The following SIPA1L1 variants were observed in gnomAD, a reference collection of about 807,000 sequenced individuals.
SIPA1L1 encodes the protein signal-induced proliferation-associated 1-like protein 1.
A neutral mutation model predicts 162.7 loss-of-function variants in SIPA1L1; 26 were observed. That is an observed-to-expected ratio of 0.16 (90% CI 0.12 to 0.22). The LOEUF (loss-of-function observed/expected upper bound fraction) is 0.22. Among genes scored for constraint, SIPA1L1 ranks in the 10% least tolerant of loss-of-function variants. SIPA1L1 has a pLI of 1.00. For missense variants in SIPA1L1, 1,874 were observed against 2,241.0 expected (o/e 0.84, Z 3.31); for synonymous variants, 829 against 837.4 (o/e 0.99, Z 0.17).
chr14:71,728,686 G>A (rs543489939), intron 19 of SIPA1L1, among the ~76,000 whole-genome samples: 1 of 152,328 alleles, frequency 6.6e-6, no homozygotes, highest in African/African-American at 2.4e-5. Flanking sequence ...CCCCTTCAGA[G>A]TGTCATGGGA....
chr14:71,364,837 C>T (rs1285313692), intron 2 of SIPA1L1, among the ~76,000 whole-genome samples: 1 of 151,020 alleles, frequency 6.6e-6, no homozygotes, highest in East Asian at 2.0e-4. Context: ...CCTCTGCCTC[C>T]TGGGCTCAAG....
chr14:71,640,559 G>A (rs2041606139), intron 7 of SIPA1L1, among the ~76,000 whole-genome samples: 1 of 152,128 alleles, frequency 6.6e-6, no homozygotes, highest in African/African-American at 2.4e-5. Context: ...GGGCTTTGGA[G>A]GTTACAAATT....
intron 2 of SIPA1L1, among the ~76,000 whole-genome samples, chr14:71,370,096 T>TGTC (rs1289876703): frequency 7.3e-6 from 1 of 137,912 alleles, no homozygotes; most frequent in Non-Finnish European, 1.6e-5. Flanking sequence ...TAAACAATCA[T>TGTC]GTCGTCTGCA....
chr14:71,534,303 G>A (rs1307355405), intron 4 of SIPA1L1, among the ~76,000 whole-genome samples: 1 of 152,160 alleles, frequency 6.6e-6, no homozygotes, highest in African/African-American at 2.4e-5. Context: ...TGTAAATGGA[G>A]GGGCATGAAA....
chr14:71,671,602 C>A lies in SIPA1L1; in HGVS notation c.2739C>A (p.Ser913Arg), dbSNP rs879021377. 5.0e-6 allele frequency: 8 copies of A among 1,614,096 alleles called. No individual in the cohort carries two copies. The highest frequency in any genetic ancestry group is 5.9e-6 in the Non-Finnish European group (7 of 1,179,992). ...TAGGGTGGACTTCAACTGACACCAGCCTCAAAATCTTCTATGAACGAGGAG... is the reference window on the plus strand; with the variant it reads ...TAGGGTGGACTTCAACTGACACCAGACTCAAAATCTTCTATGAACGAGGAG... ...DVIGWTSTDT[S>R]LKIFYERGEC... is the part of the protein sequence containing the mutation. Residue 913 changes from serine to arginine, a missense_variant, in exon 11 of 24, where the codon AGC (serine) becomes AGA (arginine). Coordinates refer to ENST00000381232, the MANE Select transcript of SIPA1L1 (RefSeq NM_001386936.1).
chr14:71,547,569 C>T (rs1596043253), intron 4 of SIPA1L1, among the ~76,000 whole-genome samples: 1 of 152,120 alleles, frequency 6.6e-6, no homozygotes, highest in Non-Finnish European at 1.5e-5. Context: ...GCTGGGATTA[C>T]AGGCATGAGC....
chr14:71,683,092 T>C (rs1293068844), intron 12 of SIPA1L1, among the ~76,000 whole-genome samples: 1 of 152,212 alleles, frequency 6.6e-6, no homozygotes, highest in Non-Finnish European at 1.5e-5. Flanking sequence ...AGGTTGAGGC[T>C]GTGGTGAACC....
At chr14:71,519,315 C>T (rs1054831857) in intron 3 of SIPA1L1, among the ~76,000 whole-genome samples, 1 of 151,596 alleles carries the variant, frequency 6.6e-6, no homozygotes, top group African/African-American at 2.4e-5. Flanking sequence ...AAACAAAAAC[C>T]CTCCTAATAA....
chr14:71,633,808 A>G (rs2040840601), intron 7 of SIPA1L1, among the ~76,000 whole-genome samples: 2 of 152,208 alleles, frequency 1.3e-5, no homozygotes, highest in Non-Finnish European at 2.9e-5. Flanking sequence ...AGACTGGGGG[A>G]AACAAATGAA....
chr14:71,505,971 A>C (rs55796946), intron 2 of SIPA1L1, among the ~76,000 whole-genome samples: 38,201 of 122,210 alleles, frequency 0.31, 5,470 homozygotes, highest in East Asian at 0.66. Flanking sequence ...CCCCCCCCCC[A>C]AAAAAAAAAT....
chr14:71,552,639 G>A (rs1000393095), intron 4 of SIPA1L1, among the ~76,000 whole-genome samples: 4 of 151,760 alleles, frequency 2.6e-5, no homozygotes, highest in South Asian at 2.1e-4. Flanking sequence ...CTTGTGATCC[G>A]CCCGCCTCGG....
At chr14:71,472,921 C>T (rs908755103) in intron 2 of SIPA1L1, among the ~76,000 whole-genome samples, 11 of 150,512 alleles carry the variant, frequency 7.3e-5, no homozygotes, top group South Asian at 2.1e-4. Context: ...TCATAGCTCA[C>T]GGAAGCCTCA....
At chr14:71,667,639 A>T (rs948808213) in intron 10 of SIPA1L1, among the ~76,000 whole-genome samples, 4 of 152,188 alleles carry the variant, frequency 2.6e-5, no homozygotes, top group African/African-American at 7.2e-5. Flanking sequence ...TCCTTCTCCC[A>T]TTTGATGTTT....
chr14:71,699,047 G>A lies in SIPA1L1; in HGVS notation c.3441G>A (p.Arg1147=). The change falls in exon 14 of 24, where the codon CGG becomes CGA. Residue 1147 remains arginine (R), a synonymous_variant. Transcript: ENST00000381232. ...SSMALARSQC[R]NSPSNLSSSS... is the part of the protein sequence containing the mutation. ...TGGCTTTAGCAAGATCCCAGTGTCG[G>A]AACTCTCCTAGCAACTTGTCTTCAT... 4.3e-6 allele frequency: 7 copies of A among 1,614,188 alleles called. No homozygotes were observed. Among genetic ancestry groups the A allele is most frequent in the Non-Finnish European group, 5.9e-6 (7 of 1,180,014 alleles).
At chr14:71,425,136 A>G (rs2043470172) in intron 2 of SIPA1L1, among the ~76,000 whole-genome samples, 1 of 151,932 alleles carries the variant, frequency 6.6e-6, no homozygotes, top group Non-Finnish European at 1.5e-5. Context: ...AGTAATTTGA[A>G]TCTTCCCTTT....
At chr14:71,640,648 G>A (rs1041301889) in intron 7 of SIPA1L1, among the ~76,000 whole-genome samples, 5 of 151,908 alleles carry the variant, frequency 3.3e-5, no homozygotes, top group Admixed American at 6.6e-5. Flanking sequence ...TCTTTGAGAC[G>A]GAGTCTCACA....
At chr14:71,629,700 T>A (rs1034766258) in intron 7 of SIPA1L1, among the ~76,000 whole-genome samples, 7 of 152,234 alleles carry the variant, frequency 4.6e-5, no homozygotes, top group Admixed American at 1.3e-4. Context: ...TAAATGAATC[T>A]TCACTGTTTT....
chr14:71,652,215 A>G (rs775911815), intron 8 of SIPA1L1, among the ~76,000 whole-genome samples: 1 of 152,194 alleles, frequency 6.6e-6, no homozygotes, highest in Non-Finnish European at 1.5e-5. Context: ...ACTAGAGTCT[A>G]TTCACTATGC....
At chr14:71,569,703 G>A (rs530554314) in intron 4 of SIPA1L1, among the ~76,000 whole-genome samples, 1 of 152,324 alleles carries the variant, frequency 6.6e-6, no homozygotes, top group African/African-American at 2.4e-5. Context: ...AAAAACAAGG[G>A]AGGCCAGGTA....
Sources: gnomAD v4.1 joint callset for allele counts (sites outside exome capture counted in the v4.1 genomes callset) on GRCh38, gnomAD v4.1.1 for gene constraint, MANE v1.5 for transcripts, NCBI Gene and HGNC (gene_info 2026-07-23, HGNC 2026-07-21) for gene names.